The following COL4A1 variants were observed in gnomAD, a reference collection of about 807,000 sequenced individuals.
The protein encoded by COL4A1 is collagen alpha-1(IV) chain.
Under a neutral mutation model 216.6 loss-of-function variants are expected in COL4A1, and 40 were observed. The ratio of observed to expected loss-of-function variants is 0.18; its 90% CI spans 0.14 to 0.24. COL4A1 has a LOEUF of 0.24. Among genes scored for constraint, COL4A1 ranks in the 10% least tolerant of loss-of-function variants. COL4A1 has a pLI of 1.00. For missense variants in COL4A1, 1,628 were observed against 2,196.8 expected (o/e 0.74, Z 5.18); for synonymous variants, 839 against 810.7 (o/e 1.03, Z -0.59).
chr13:110,262,392 G>A (rs950008701), intron 1 of COL4A1, among the ~76,000 whole-genome samples: 19 of 152,334 alleles, frequency 1.2e-4, no homozygotes, highest in African/African-American at 4.6e-4. Context: ...TGCCCTCCCA[G>A]AGTGGTGGTA....
chr13:110,240,124 T>C (rs1881494487), intron 2 of COL4A1, among the ~76,000 whole-genome samples: 2 of 152,206 alleles, frequency 1.3e-5, no homozygotes, highest in South Asian at 4.1e-4. Context: ...ATCCATTCAA[T>C]CATCATTGCC....
chr13:110,300,457 G>C (rs1040980272), intron 1 of COL4A1, among the ~76,000 whole-genome samples: 2 of 152,184 alleles, frequency 1.3e-5, no homozygotes, highest in South Asian at 4.1e-4. Context: ...GAATATCCTT[G>C]TTTTCTAAAG....
Position 110,252,493 on chromosome 13 carries a change from TTATACGTA to T in COL4A1, c.85-9767_85-9760del, listed in dbSNP as rs1342304702. Among the ~76,000 whole-genome samples the T allele has an allele frequency of 4.7e-4, 23 of 49,188 alleles. 4 individuals carry two copies. Among genetic ancestry groups the T allele is most frequent in the South Asian group, 2.5e-3 (2 of 788 alleles). 32.3% of individuals were successfully genotyped at this position (49,188 alleles called of 152,430 possible). A position where few individuals can be genotyped will look rare whatever the true frequency, so the allele number is the denominator to read the frequency against. On this transcript the variant is annotated intron_variant, in intron 1 of 51. Coordinates refer to ENST00000375820, the MANE Select transcript of COL4A1 (RefSeq NM_001845.6). ...TTATATGTATTATATATACGTATAATTATACGTATATATGTATTATATATACGTATAAT... is the reference window on the plus strand; with the variant it reads ...TTATATGTATTATATATACGTATAATTATATGTATTATATATACGTATAAT...
chr13:110,199,316 C>T, intron 20 of COL4A1, among the ~76,000 whole-genome samples: 1 of 152,136 alleles, frequency 6.6e-6, no homozygotes, highest in East Asian at 1.9e-4. Flanking sequence ...AGAAAAAGGA[C>T]AGTCGAGGGA....
intron 1 of COL4A1, among the ~76,000 whole-genome samples, chr13:110,244,009 TA>T (rs1456168284): frequency 6.6e-6 from 1 of 152,170 alleles, no homozygotes; most frequent in African/African-American, 2.4e-5. Flanking sequence ...GGACAGAATG[TA>T]AAGAGGTATG....
chr13:110,168,234 C>T (rs915879038), intron 43 of COL4A1, among the ~76,000 whole-genome samples: 1 of 152,158 alleles, frequency 6.6e-6, no homozygotes, highest in African/African-American at 2.4e-5. Flanking sequence ...AGGCTGGTCT[C>T]GAACTCCCCA....
intron 1 of COL4A1, among the ~76,000 whole-genome samples, chr13:110,258,153 A>G (rs1465000021): frequency 1.3e-5 from 2 of 152,262 alleles, no homozygotes; most frequent in Non-Finnish European, 2.9e-5. Flanking sequence ...TAACATCCAG[A>G]AAATTCTAGA....
intron 1 of COL4A1, among the ~76,000 whole-genome samples, chr13:110,281,172 G>A (rs554211690): frequency 3.4e-4 from 52 of 152,170 alleles, no homozygotes; most frequent in Non-Finnish European, 6.5e-4. Context: ...ACTCTCTCCC[G>A]TTTTCTTCTC....
chr13:110,254,829 C>T (rs145877038), intron 1 of COL4A1, among the ~76,000 whole-genome samples: 6 of 152,212 alleles, frequency 3.9e-5, no homozygotes, highest in East Asian at 3.9e-4. Flanking sequence ...TTAGGTAAGC[C>T]CTCCTTTTCC....
At chr13:110,183,795 G>A (rs970759859) in intron 26 of COL4A1, among the ~76,000 whole-genome samples, 7 of 152,174 alleles carry the variant, frequency 4.6e-5, no homozygotes, top group African/African-American at 1.7e-4. Flanking sequence ...GCGCTCACTT[G>A]AGCAACACAG....
Position 110,178,198 on chromosome 13 carries a change from G to C in COL4A1, c.2492C>G (p.Pro831Arg), listed in dbSNP as rs1351737168. 3 of 1,614,002 alleles carry C rather than the reference G, an allele frequency of 1.9e-6. No homozygotes were observed. The African/African-American group carries it at 4.0e-5, about 22-fold the overall frequency. ...CGGCATGTCCAGTCCAGGGAATCCGGGGAAACCCTTCTCTCCTTTTATTCC... is the reference window on the plus strand; with the variant it reads ...CGGCATGTCCAGTCCAGGGAATCCGCGGAAACCCTTCTCTCCTTTTATTCC... ...PPGIKGEKGF[P>R]GFPGLDMPGP... The change falls in exon 32 of 52, where the codon CCC becomes CGC. Residue 831 changes from proline (P) to arginine (R), a missense_variant. Physicochemically the swap from Pro to Arg is moderately radical, Grantham distance 103 (BLOSUM62 -2). This residue lies in a region of COL4A1 where 701 missense variants were observed against 892.5 expected (regional missense o/e 0.79). Transcript: ENST00000375820.
intron 26 of COL4A1, 125 bp downstream of exon 26, chr13:110,186,259 TG>T: frequency 8.1e-7 from 1 of 1,238,236 alleles, no homozygotes; most frequent in Non-Finnish European, 1.2e-6. Context: ...CCCCAATTCC[TG>T]GAAGAATCAA....
intron 26 of COL4A1, among the ~76,000 whole-genome samples, chr13:110,183,570 C>G (rs1028142079): frequency 1.3e-5 from 2 of 151,328 alleles, no homozygotes; most frequent in Admixed American, 1.3e-4. Flanking sequence ...GAAAAATCTA[C>G]AACAACAACA....
Position 110,307,147 on chromosome 13 carries a change from A to G in COL4A1, c.-120T>C. 9.0e-6 allele frequency: 7 copies of G among 774,216 alleles called. No homozygotes were observed. Among genetic ancestry groups the G allele is most frequent in the South Asian group, 2.6e-5 (1 of 38,292 alleles). The allele number at this position is 774,216 out of a possible 1,614,324, so 48.0% of individuals were successfully genotyped here. A position where few individuals can be genotyped will look rare whatever the true frequency, so the allele number is the denominator to read the frequency against. On this transcript the variant is annotated 5_prime_UTR_variant, in exon 1 of 52. Coordinates refer to ENST00000375820, the MANE Select transcript of COL4A1 (RefSeq NM_001845.6). This position sits in a 1 kb window ranked among gnomAD's most constrained non-coding sequence, Gnocchi z 5.0. ...CACCGTCCCGGGTGCGGCGGCTCCA[A>G]GCGGAGACCTGAGCGCGGCGGGCCG...
chr13:110,287,570 G>A (rs1883891704), intron 1 of COL4A1, among the ~76,000 whole-genome samples: 1 of 152,214 alleles, frequency 6.6e-6, no homozygotes, highest in South Asian at 2.1e-4. Flanking sequence ...AAGGTCAGAA[G>A]GCCGGGCATC....
At chr13:110,279,034 A>C (rs2139297952) in intron 1 of COL4A1, among the ~76,000 whole-genome samples, 1 of 152,274 alleles carries the variant, frequency 6.6e-6, no homozygotes, top group African/African-American at 2.4e-5. Context: ...AACCCAACTC[A>C]GTGCTTTGCC....
intron 1 of COL4A1, among the ~76,000 whole-genome samples, chr13:110,301,302 C>A (rs995209682): frequency 1.3e-5 from 2 of 152,206 alleles, no homozygotes; most frequent in Non-Finnish European, 2.9e-5. Flanking sequence ...GTAATTAATT[C>A]CTGATTTCCT....
intron 50 of COL4A1, 77 bp from the exon 51 acceptor site, chr13:110,152,583 G>A: frequency 6.6e-7 from 1 of 1,504,006 alleles, no homozygotes; most frequent in Non-Finnish European, 9.0e-7. Flanking sequence ...TTCCCAGGAA[G>A]GCGCCAGGGT....
chr13:110,181,255 G>A, intron 29 of COL4A1, 37 bp downstream of exon 29: 2 of 1,588,718 alleles, frequency 1.3e-6, no homozygotes, highest in Non-Finnish European at 1.7e-6. Context: ...AACAAGGATG[G>A]GGGAGAAGGG....
Sources: gnomAD v4.1 joint callset for allele counts (sites outside exome capture counted in the v4.1 genomes callset) on GRCh38, gnomAD v4.1.1 for gene constraint, gnomAD v4.1.1 regional missense constraint, Gnocchi (gnomAD v3.1) non-coding constraint, MANE v1.5 for transcripts, NCBI Gene and HGNC (gene_info 2026-07-23, HGNC 2026-07-21) for gene names.